The following CYRIA variants were observed in gnomAD, a reference collection of about 807,000 sequenced individuals.
CYRIA encodes CYFIP-related Rac1 interactor A.
In CYRIA, 15 loss-of-function variants were observed where a neutral mutation model predicts 43.9. That is an observed-to-expected ratio of 0.34 (90% CI 0.23 to 0.53). The LOEUF is 0.53. Among genes scored for constraint, CYRIA ranks in the 20% least tolerant of loss-of-function variants. CYRIA has a pLI of 0.94. For synonymous variants in CYRIA, 117 were observed against 136.0 expected (o/e 0.86, Z 0.97); for missense variants, 236 against 394.2 (o/e 0.60, Z 3.40).
At chr2:16,622,150 A>G (rs1669017520) in intron 2 of CYRIA, among the ~76,000 whole-genome samples, 1 of 152,192 alleles carries the variant, frequency 6.6e-6, no homozygotes, top group African/African-American at 2.4e-5. Flanking sequence ...CCCCAAATCA[A>G]TTGACCCTTA....
chr2:16,649,820 C>T (rs180874088), intron 1 of CYRIA, among the ~76,000 whole-genome samples: 2 of 152,304 alleles, frequency 1.3e-5, no homozygotes, highest in East Asian at 1.9e-4. Flanking sequence ...TTGTACAGTA[C>T]CATCCTGCTG....
At chr2:16,641,113 T>A (rs1478785861) in intron 1 of CYRIA, among the ~76,000 whole-genome samples, 2 of 152,176 alleles carry the variant, frequency 1.3e-5, no homozygotes, top group Non-Finnish European at 2.9e-5. Flanking sequence ...GCCCTTATTA[T>A]CTTTCTCCTG....
chr2:16,600,270 G>T (rs532590678), intron 2 of CYRIA, among the ~76,000 whole-genome samples: 1 of 152,344 alleles, frequency 6.6e-6, no homozygotes, highest in South Asian at 2.1e-4. Context: ...GCCCACTCCA[G>T]TCCTAGGAGA....
intron 1 of CYRIA, among the ~76,000 whole-genome samples, chr2:16,648,802 G>T (rs1669889666): frequency 6.6e-6 from 1 of 152,116 alleles, no homozygotes; most frequent in Admixed American, 6.5e-5. Flanking sequence ...GTAGGGGTGG[G>T]TGACACAAAA....
intron 2 of CYRIA, among the ~76,000 whole-genome samples, chr2:16,620,067 T>A (rs1668945870): frequency 6.6e-6 from 1 of 152,192 alleles, no homozygotes. Flanking sequence ...GATTAGAAAC[T>A]CCTTGAGGTG....
chr2:16,607,024 G>C (rs911621392), intron 2 of CYRIA, among the ~76,000 whole-genome samples: 1 of 152,202 alleles, frequency 6.6e-6, no homozygotes, highest in African/African-American at 2.4e-5. Context: ...GGCCAAGAGA[G>C]ATTAGCATGC....
At chr2:16,569,537 A>G (rs1023102995) in intron 3 of CYRIA, among the ~76,000 whole-genome samples, 1 of 152,160 alleles carries the variant, frequency 6.6e-6, no homozygotes, top group African/African-American at 2.4e-5. Context: ...CTATAATTAG[A>G]CGGGCAGCAC....
Position 16,590,848 on chromosome 2 carries a change from T to G in CYRIA, c.-10-2719A>C, listed in dbSNP as rs539672345. On this transcript the variant is annotated intron_variant, in intron 2 of 11. Transcript: ENST00000381323. ...AGAAAACAAGTGTTTCATCTCATTA[T>G]GGCCAAATGATTTGATGCTTACTGC... 2.6e-5 allele frequency among the ~76,000 whole-genome samples: 4 copies of G among 152,270 alleles called. No homozygotes were observed. The East Asian group carries it at 7.7e-4, about 29-fold the overall frequency.
intron 5 of CYRIA, among the ~76,000 whole-genome samples, chr2:16,562,803 T>C (rs1373531654): frequency 6.6e-6 from 1 of 152,166 alleles, no homozygotes; most frequent in Non-Finnish European, 1.5e-5. Context: ...CCATTACTTG[T>C]GTTTTGTAAA....
intron 1 of CYRIA, among the ~76,000 whole-genome samples, chr2:16,646,781 A>G (rs528428051): frequency 6.6e-6 from 1 of 152,286 alleles, no homozygotes; most frequent in Non-Finnish European, 1.5e-5. Flanking sequence ...ATGGGCCTCA[A>G]CAGATCCCTT....
chr2:16,601,846 G>A (rs1416205386), intron 2 of CYRIA, among the ~76,000 whole-genome samples: 1 of 152,098 alleles, frequency 6.6e-6, no homozygotes, highest in East Asian at 1.9e-4. Context: ...ATGAAATCAA[G>A]CAGGGTTTAT....
intron 1 of CYRIA, among the ~76,000 whole-genome samples, chr2:16,639,150 T>C (rs1023934954): frequency 1.3e-5 from 2 of 152,224 alleles, no homozygotes; most frequent in African/African-American, 4.8e-5. Flanking sequence ...TGGAAGGCCC[T>C]GCCCAGCAAT....
rs1298910263 is a variant in CYRIA, at chr2:16,629,341, G to A, written c.-166-5322C>T. Among the ~76,000 whole-genome samples the A allele has an allele frequency of 3.3e-5, 5 of 152,238 alleles. No homozygotes were observed. In the East Asian group the frequency reaches 7.7e-4, roughly 24 times the overall value. On this transcript the variant is annotated intron_variant, in intron 1 of 11. Transcript: ENST00000381323. ...GGGAAGGAGGTGGTGTTTAAAGCTC[G>A]TTTTTGTTTTACTCTTTCCCTAAGA...
chr2:16,551,953 A>C lies in CYRIA; in HGVS notation c.*983T>G, dbSNP rs964953856. The C allele has an allele frequency of 6.6e-6, 1 of 151,832 alleles. No homozygotes were observed. Among genetic ancestry groups the C allele is most frequent in the Non-Finnish European group, 1.5e-5 (1 of 67,944 alleles). 9.4% of individuals were successfully genotyped at this position (151,832 alleles called of 1,614,324 possible). On this transcript the variant is annotated 3_prime_UTR_variant, in exon 12 of 12. Transcript: ENST00000381323. ...AAAACCTGGGAAATAGAAAACATGG[A>C]TTTTTTTTCCCTCTAAATTCCCCTA...
intron 1 of CYRIA, among the ~76,000 whole-genome samples, chr2:16,655,054 G>A (rs1670073283): frequency 1.3e-5 from 2 of 152,172 alleles, no homozygotes; most frequent in African/African-American, 4.8e-5. Flanking sequence ...GAGAAAGAGG[G>A]ACGAGGCCTT....
At chr2:16,562,706 T>C (rs1227321900) in intron 5 of CYRIA, among the ~76,000 whole-genome samples, 1 of 152,206 alleles carries the variant, frequency 6.6e-6, no homozygotes, top group Non-Finnish European at 1.5e-5. Context: ...TAGCTTGTTC[T>C]TCAATATATT....
chr2:16,634,662 ATG>A (rs1669437119), intron 1 of CYRIA, among the ~76,000 whole-genome samples: 5 of 96,814 alleles, frequency 5.2e-5, no homozygotes, highest in African/African-American at 5.2e-4. Context: ...TGATAAGGGC[ATG>A]TGTCTGGGGG....
At chr2:16,658,229 G>C (rs62124761) in intron 1 of CYRIA, among the ~76,000 whole-genome samples, 20,674 of 152,072 alleles carry the variant, frequency 0.14, 1,645 homozygotes, top group Non-Finnish European at 0.18. Flanking sequence ...AAGTCTAGAG[G>C]GGTTGACTAT....
At chr2:16,642,167 A>G (rs1225402276) in intron 1 of CYRIA, among the ~76,000 whole-genome samples, 2 of 152,154 alleles carry the variant, frequency 1.3e-5, no homozygotes, top group African/African-American at 2.4e-5. Flanking sequence ...TACCATATTT[A>G]TATTTCCAGC....
Sources: gnomAD v4.1 joint callset for allele counts (sites outside exome capture counted in the v4.1 genomes callset) on GRCh38, gnomAD v4.1.1 for gene constraint, MANE v1.5 for transcripts, NCBI Gene and HGNC (gene_info 2026-07-23, HGNC 2026-07-21) for gene names.